PHYKPL: variants seen among roughly 807,000 people sequenced by gnomAD.
The protein encoded by PHYKPL is 5-phosphonooxy-L-lysine phospho-lyase.
Under a neutral mutation model 51.3 loss-of-function variants are expected in PHYKPL, and 42 were observed. The observed-to-expected ratio is 0.82, with a 90% CI of 0.64 to 1.06. The LOEUF (loss-of-function observed/expected upper bound fraction) is 1.06, where lower values mean the gene tolerates loss of function less well. Ranked by LOEUF, PHYKPL falls within the 50% of genes least tolerant of loss-of-function variation. The pLI, the probability that PHYKPL is intolerant of heterozygous loss-of-function variation, is 0.00. For missense variants in PHYKPL, 655 were observed against 586.6 expected, an observed-to-expected ratio of 1.12 and a Z score of -1.20; for synonymous variants, 264 against 236.0, an observed-to-expected ratio of 1.12 and a Z score of -1.09.
At chr5:178,210,922 T>C (rs903413085) in intron 12 of PHYKPL, 2 of 424,800 alleles carry the variant, frequency 4.7e-6, no homozygotes, top group East Asian at 4.3e-5. Context: ...CCTGGACCTG[T>C]GGACCCTGGT....
intron 4 of PHYKPL, chr5:178,225,142 C>T (rs1330459755): frequency 3.3e-6 from 2 of 602,886 alleles, no homozygotes; most frequent in Non-Finnish European, 5.9e-6. Context: ...ACAAAGCGCA[C>T]TCTGCTCCCC....
chr5:178,218,016 G>A (rs1365669060), intron 8 of PHYKPL, among the ~76,000 whole-genome samples: 1 of 147,762 alleles, frequency 6.8e-6, no homozygotes, highest in Admixed American at 6.7e-5. Flanking sequence ...AGGAGATCGA[G>A]ACCATCCTGG....
At chr5:178,220,299 GA>G (rs1760895725) in intron 8 of PHYKPL, among the ~76,000 whole-genome samples, 1 of 151,592 alleles carries the variant, frequency 6.6e-6, no homozygotes, top group East Asian at 1.9e-4. Flanking sequence ...AGGAGTTCAA[GA>G]GCAGCCTGAC....
downstream of PHYKPL, among the ~76,000 whole-genome samples, chr5:178,208,273 C>G (rs147700303): frequency 2.6e-3 from 394 of 152,318 alleles, 1 homozygote; most frequent in African/African-American, 9.0e-3. Context: ...CTGGAAGTCT[C>G]TATCCTGGCT....
chr5:178,232,251 G>A (rs1763622808), intron 1 of PHYKPL: 1 of 1,233,494 alleles, frequency 8.1e-7, no homozygotes, highest in East Asian at 3.6e-5. Context: ...TGAACTGGGC[G>A]GCCTGGAGAC....
intron 7 of PHYKPL, 134 bp from the exon 8 acceptor site, chr5:178,222,714 C>T: frequency 7.5e-7 from 1 of 1,336,968 alleles, no homozygotes; most frequent in East Asian, 2.5e-5. Context: ...CTGGCCTTCT[C>T]TGGGCCATTC....
chr5:178,214,766 A>G (rs771823039), intron 10 of PHYKPL, 30 bp downstream of exon 10: 17 of 1,608,784 alleles, frequency 1.1e-5, no homozygotes, highest in Non-Finnish European at 1.4e-5. Flanking sequence ...CTCCTACTCC[A>G]GGAAGCAACT....
Position 178,222,595 on chromosome 5 carries a change from A to G in PHYKPL, c.702-15T>C. The G allele has an allele frequency of 2.5e-6, 4 of 1,611,678 alleles. No homozygotes were observed. The highest frequency in any genetic ancestry group is 2.5e-6 in the Non-Finnish European group (3 of 1,177,930). On this transcript the variant is annotated splice_polypyrimidine_tract_variant and intron_variant, in intron 7 of 12. Coordinates refer to ENST00000308158, the MANE Select transcript of PHYKPL (RefSeq NM_153373.4). ...TGCGGATGTGCCTGTGGCAGAGGAG[A>G]TGACTGACACGGGGGCTGTGGTTGA...
chr5:178,212,366 G>C (rs914944734), intron 11 of PHYKPL, among the ~76,000 whole-genome samples: 1 of 152,262 alleles, frequency 6.6e-6, no homozygotes, highest in Non-Finnish European at 1.5e-5. Flanking sequence ...TGCTTGGCTG[G>C]CAGTTGTGAT....
In PHYKPL at chr5:178,214,874, A is replaced by G. The variant is rs750525056; in HGVS notation, c.1094T>C (p.Leu365Pro). Residue 365 changes from leucine to proline, a missense_variant, in exon 10 of 13, where the codon CTC becomes CCC. Transcript: ENST00000308158. ...TTTGATCAGATCCACACCAATGAAG[A>G]GCCCAACACCCCTGCAAGGGAAGGT... ...PIVGDVRGVGLFIGVDLIKDE... is the reference protein window; with the variant it reads ...PIVGDVRGVGPFIGVDLIKDE... 6.2e-7 allele frequency: 1 copy of G among 1,613,578 alleles called. No individual in the cohort carries two copies. Among genetic ancestry groups the G allele is most frequent in the Non-Finnish European group, 8.5e-7 (1 of 1,179,976 alleles).
At chr5:178,215,531 G>C (rs1205305823) in intron 8 of PHYKPL, 101 bp from the exon 9 acceptor site, 9 of 1,412,022 alleles carry the variant, frequency 6.4e-6, no homozygotes, top group Non-Finnish European at 8.5e-6. Context: ...TCCAAGGCCA[G>C]TGGCAAGAGC....
chr5:178,223,163 A>G (rs984996056), intron 6 of PHYKPL, among the ~76,000 whole-genome samples: 3 of 152,084 alleles, frequency 2.0e-5, no homozygotes, highest in African/African-American at 7.2e-5. Flanking sequence ...GGCATGCCCC[A>G]AACTACATGC....
At chr5:178,223,011 C>T in intron 6 of PHYKPL, 77 bp from the exon 7 acceptor site, 1 of 1,430,700 alleles carries the variant, frequency 7.0e-7, no homozygotes, top group Non-Finnish European at 9.7e-7. Flanking sequence ...CTAGTGCTGG[C>T]TTAGTCCAAG....
rs115721462 is a variant in PHYKPL, at chr5:178,210,218, G to A, written c.*32-1303C>T. 8.9e-5 allele frequency: 144 copies of A among 1,613,002 alleles called. 1 individual carries two copies. In the African/African-American group the frequency reaches 1.2e-3, roughly 13 times the overall value. ...GCAGGGCTACGGGCCTGGCTATGGC[G>A]GCTACGACTACTCGCCCTATGGCTA... On this transcript the variant is annotated intron_variant, in intron 12 of 12. Transcript: ENST00000308158.
chr5:178,223,589 C>G (rs997749303), intron 6 of PHYKPL: 2 of 416,812 alleles, frequency 4.8e-6, no homozygotes, highest in Non-Finnish European at 9.8e-6. Context: ...AGAGCAATCT[C>G]CTTTTTTAGG....
chr5:178,213,302 C>T (rs1443965381), intron 10 of PHYKPL, among the ~76,000 whole-genome samples, 199 bp from the exon 11 acceptor site: 1 of 152,210 alleles, frequency 6.6e-6, no homozygotes, highest in Non-Finnish European at 1.5e-5. Flanking sequence ...CTGCACCTGG[C>T]CCTGAGCCTG....
chr5:178,215,019 A>G (rs770083360), intron 9 of PHYKPL, 134 bp from the exon 10 acceptor site: 117 of 858,500 alleles, frequency 1.4e-4, no homozygotes, highest in Non-Finnish European at 2.0e-4. Flanking sequence ...TGGTGAGAAT[A>G]GTTTCAGGGA....
chr5:178,215,290 G>T lies in PHYKPL; in HGVS notation c.1068C>A (p.Ile356=), dbSNP rs148658218. Residue 356 remains isoleucine, a synonymous_variant, in exon 9 of 13, where the codon ATC becomes ATA. Transcript: ENST00000308158. ...LLGQQKIKHP[I]VGDVRGVGLF... ...CAGAGCCTCACCTGACATCCCCGAC[G>T]ATGGGATGTTTGATTTTTTGCTGCC... The T allele has an allele frequency of 1.2e-6, 2 of 1,614,064 alleles. No individual in the cohort carries two copies. Among genetic ancestry groups the T allele is most frequent in the South Asian group, 1.1e-5 (1 of 91,078 alleles).
Position 178,211,917 on chromosome 5 carries a change from T to A in PHYKPL, c.*4A>T, listed in dbSNP as rs1403213202. ...GGAGTACACTTAGGCAGAGCAGGGC[T>A]GGCTTAGGGCTGGAGCCTCAGCGTT... On this transcript the variant is annotated 3_prime_UTR_variant, in exon 12 of 13. Coordinates refer to ENST00000308158, the MANE Select transcript of PHYKPL (RefSeq NM_153373.4). 6 of 1,614,166 alleles carry A rather than the reference T, an allele frequency of 3.7e-6. No homozygotes were observed. The highest frequency in any genetic ancestry group is 3.3e-5 in the South Asian group (3 of 91,080).
Sources: gnomAD v4.1 joint callset for allele counts (sites outside exome capture counted in the v4.1 genomes callset) on GRCh38, gnomAD v4.1.1 for gene constraint, MANE v1.5 for transcripts, NCBI Gene and HGNC (gene_info 2026-07-23, HGNC 2026-07-21) for gene names.